The following FMN2 variants were observed in gnomAD, a reference collection of about 807,000 sequenced individuals.
FMN2 encodes formin-2.
In FMN2, 51 loss-of-function variants were observed where a neutral mutation model predicts 142.3. The ratio of observed to expected loss-of-function variants is 0.36; its 90% confidence interval spans 0.29 to 0.45. FMN2 has a LOEUF of 0.45. Ranked by LOEUF, FMN2 falls within the 20% of genes least tolerant of loss-of-function variation. The pLI, the probability that FMN2 is intolerant of heterozygous loss-of-function variation, is 1.00. For missense variants in FMN2, 1,936 were observed against 2,122.8 expected (o/e 0.91, Z 1.73); for synonymous variants, 882 against 869.8 (o/e 1.01, Z -0.25).
intron 3 of FMN2, 136 bp from the exon 4 acceptor site, chr1:240,188,071 A>G (rs758846878): frequency 4.1e-6 from 3 of 727,912 alleles, no homozygotes; most frequent in Admixed American, 2.6e-5. Flanking sequence ...ACCCAGTTAT[A>G]TAATTGGAAG....
intron 15 of FMN2, among the ~76,000 whole-genome samples, chr1:240,407,758 C>T (rs1674260035): frequency 6.6e-6 from 1 of 152,206 alleles, no homozygotes; most frequent in Non-Finnish European, 1.5e-5. Flanking sequence ...CTCCTGCCTG[C>T]TCCTCCTCCA....
chr1:240,338,594 C>T (rs1456710080), intron 13 of FMN2, among the ~76,000 whole-genome samples: 1 of 152,072 alleles, frequency 6.6e-6, no homozygotes, highest in Non-Finnish European at 1.5e-5. Context: ...CTGCCGTCTA[C>T]CTTCATCCCT....
intron 2 of FMN2, among the ~76,000 whole-genome samples, chr1:240,137,912 A>T (rs1663014938): frequency 6.6e-6 from 1 of 152,014 alleles, no homozygotes; most frequent in Non-Finnish European, 1.5e-5. Context: ...CAACATGGTG[A>T]AACCTTGTCT....
intron 2 of FMN2, chr1:240,144,308 CTGT>C (rs1663338779): frequency 1.2e-6 from 2 of 1,607,358 alleles, no homozygotes; most frequent in African/African-American, 1.3e-5. Flanking sequence ...GCCCCCAAAC[CTGT>C]TGTTCTCTAG....
intron 1 of FMN2, among the ~76,000 whole-genome samples, chr1:240,116,785 T>C (rs1171328564): frequency 1.3e-5 from 2 of 151,944 alleles, no homozygotes; most frequent in Non-Finnish European, 2.9e-5. Context: ...CAAAAAGTTA[T>C]TGATACCATG....
At chr1:240,408,325 G>A (rs1373260649) in intron 15 of FMN2, among the ~76,000 whole-genome samples, 1 of 152,084 alleles carries the variant, frequency 6.6e-6, no homozygotes, top group Non-Finnish European at 1.5e-5. Context: ...TAAGTCTTAA[G>A]TAGATTCTTA....
intron 7 of FMN2, among the ~76,000 whole-genome samples, chr1:240,280,356 A>C (rs903275696): frequency 7.1e-6 from 1 of 141,154 alleles, no homozygotes; most frequent in African/African-American, 2.8e-5. Context: ...GTAGCACTAC[A>C]CTGAAAAAAG....
Position 240,355,877 on chromosome 1 carries a change from C to G in FMN2, c.4827C>G (p.Phe1609Leu). Residue 1609 changes from phenylalanine (F) to leucine (L), a missense_variant, in exon 14 of 18, where the codon TTC becomes TTG. Physicochemically the swap from Phe to Leu is conservative, Grantham distance 22. Coordinates refer to ENST00000319653, the MANE Select transcript of FMN2 (RefSeq NM_020066.5). Reference protein sequence around the residue: ...QVSSKEHMQPFKENMEQFIIQ... With the variant: ...QVSSKEHMQPLKENMEQFIIQ... ...CCTCAAAAGAGCATATGCAGCCTTT[C>G]AAGGAAAACATGGAACAATTTATTA... The G allele has an allele frequency of 1.3e-6, 2 of 1,494,938 alleles. No individual in the cohort carries two copies. Among genetic ancestry groups the G allele is most frequent in the Non-Finnish European group, 1.8e-6 (2 of 1,110,222 alleles). 92.6% of individuals were successfully genotyped at this position (1,494,938 alleles called of 1,614,324 possible).
At chr1:240,203,936 A>T (rs1454610867) in intron 4 of FMN2, among the ~76,000 whole-genome samples, 2 of 152,240 alleles carry the variant, frequency 1.3e-5, no homozygotes, top group East Asian at 3.8e-4. Context: ...CAAACTGTGC[A>T]TTACAAATAC....
intron 6 of FMN2, among the ~76,000 whole-genome samples, chr1:240,223,524 T>G (rs1309102815): frequency 6.6e-6 from 1 of 152,186 alleles, no homozygotes; most frequent in Non-Finnish European, 1.5e-5. Context: ...AGAGTCCCTC[T>G]TTTTCTACTG....
chr1:240,407,662 G>A (rs1674256877), intron 15 of FMN2, among the ~76,000 whole-genome samples: 1 of 152,100 alleles, frequency 6.6e-6, no homozygotes, highest in Admixed American at 6.5e-5. Flanking sequence ...TATAATAAAT[G>A]CAGATTTGTT....
At position 240,357,764 on chromosome 1, in the gene FMN2, C is replaced by T. The variant is rs530863405; in HGVS notation, c.4858+1856C>T. ...CTGCAATTACAGGCACCCGCCACCA[C>T]GCCCGGCTAATTTTTTGTATTTTTA... On this transcript the variant is annotated intron_variant, in intron 14 of 17. Transcript: ENST00000319653. Among the ~76,000 whole-genome samples, 8 of 152,128 alleles carry T rather than the reference C, an allele frequency of 5.3e-5. No homozygotes were observed. In the Middle Eastern group the frequency reaches 0.01, roughly 194 times the overall value.
chr1:240,291,497 C>T (rs907818557), intron 7 of FMN2, among the ~76,000 whole-genome samples: 10 of 152,114 alleles, frequency 6.6e-5, no homozygotes, highest in Admixed American at 1.3e-4. Flanking sequence ...ATCACATTAA[C>T]ACCTTGCTGA....
At chr1:240,162,879 A>G (rs1350707782) in intron 2 of FMN2, among the ~76,000 whole-genome samples, 2 of 152,134 alleles carry the variant, frequency 1.3e-5, no homozygotes, top group South Asian at 4.1e-4. Flanking sequence ...TAATATATGC[A>G]TTTAAACCTA....
chr1:240,169,659 T>C (rs1016856704), intron 2 of FMN2, among the ~76,000 whole-genome samples: 5 of 151,988 alleles, frequency 3.3e-5, no homozygotes, highest in Admixed American at 2.0e-4. Flanking sequence ...TTTTTTTCTG[T>C]AGAGATAGTC....
At chr1:240,446,838 T>A (rs1385661589) in intron 16 of FMN2, among the ~76,000 whole-genome samples, 9 of 152,134 alleles carry the variant, frequency 5.9e-5, no homozygotes, top group Non-Finnish European at 2.9e-5. Context: ...GGGCTAACTC[T>A]CACACCTTTG....
chr1:240,163,004 G>A (rs1486819339), intron 2 of FMN2, among the ~76,000 whole-genome samples: 1 of 152,062 alleles, frequency 6.6e-6, no homozygotes, highest in African/African-American at 2.4e-5. Context: ...TTTCAATAAT[G>A]TGTGATTTAG....
intron 6 of FMN2, among the ~76,000 whole-genome samples, chr1:240,241,997 C>T (rs948479941): frequency 1.3e-5 from 2 of 152,064 alleles, no homozygotes; most frequent in African/African-American, 4.8e-5. Context: ...AGGTGCCCGC[C>T]ACCACGCCCG....
chr1:240,254,505 G>A lies in FMN2; in HGVS notation c.4066-3440G>A, dbSNP rs188068821. Among the ~76,000 whole-genome samples, 621 of 152,182 alleles carry A rather than the reference G, an allele frequency of 4.1e-3. 3 individuals are homozygous for A. The highest frequency in any genetic ancestry group is 0.011 in the South Asian group (54 of 4,822). ...CTGTTCTCTGGCCCCTAGGTGGTAC[G>A]TGTGGGTGCTGGCTGTGGTAAGTAG... On this transcript the variant is annotated intron_variant, in intron 6 of 17. Transcript: ENST00000319653.
Sources: gnomAD v4.1 joint callset for allele counts (sites outside exome capture counted in the v4.1 genomes callset) on GRCh38, gnomAD v4.1.1 for gene constraint, MANE v1.5 for transcripts, NCBI Gene and HGNC (gene_info 2026-07-23, HGNC 2026-07-21) for gene names.